The following DMBT1 variants were observed in gnomAD, a reference collection of about 807,000 sequenced individuals.
DMBT1 encodes scavenger receptor cysteine-rich domain-containing protein DMBT1.
A neutral mutation model predicts 252.9 loss-of-function variants in DMBT1; 198 were observed. That is an observed-to-expected ratio of 0.78 (90% CI 0.70 to 0.88). The LOEUF is 0.88. Among genes scored for constraint, DMBT1 ranks in the 40% least tolerant of loss-of-function variants. The probability of loss-of-function intolerance (pLI) is 0.00; values close to 1 mark genes in which losing one functional copy is unlikely to be tolerated. For synonymous variants in DMBT1, 990 were observed against 942.7 expected (o/e 1.05, Z -0.92); for missense variants, 2,432 against 2,404.7 (o/e 1.01, Z -0.24).
intron 2 of DMBT1, among the ~76,000 whole-genome samples, chr10:122,568,013 G>T (rs561886219): frequency 6.6e-6 from 1 of 152,216 alleles, no homozygotes; most frequent in Admixed American, 6.5e-5. Flanking sequence ...AATGAATGTG[G>T]ATGGACTAGA....
At position 122,618,134 on chromosome 10, in the gene DMBT1, A is replaced by G. The variant is rs878945810; in HGVS notation, c.5009A>G (p.Asn1670Ser). The G allele has an allele frequency of 6.2e-7, 1 of 1,613,958 alleles. No individual in the cohort carries two copies. The highest frequency in any genetic ancestry group is 1.1e-5 in the South Asian group (1 of 91,072). ...GTGTGTGATGACTACTGGGACACCA[A>G]TGATGCCAACGTGGTCTGCAGGCAG... ...GTVCDDYWDTNDANVVCRQLG... is the reference protein window; with the variant it reads ...GTVCDDYWDTSDANVVCRQLG... The change falls in exon 41 of 56, where the codon AAT becomes AGT. Residue 1670 changes from asparagine to serine, a missense_variant. Asn to Ser is a conservative substitution (Grantham distance 46). Transcript: ENST00000338354.
chr10:122,564,632 AT>A lies in DMBT1; in HGVS notation c.62-1323del, dbSNP rs34136647. 7.3e-3 allele frequency among the ~76,000 whole-genome samples: 1,089 copies of A among 149,306 alleles called. 15 individuals are homozygous for A. Among genetic ancestry groups the A allele is most frequent in the African/African-American group, 0.024 (998 of 40,824 alleles). ...AAGACAAAAGAATACCATCACATGT[AT>A]TTTTTTTTTTTAGCAAAATAAGATG... On this transcript the variant is annotated intron_variant, in intron 1 of 55. Transcript: ENST00000338354.
intron 2 of DMBT1, among the ~76,000 whole-genome samples, chr10:122,569,943 G>T (rs1489752173): frequency 6.6e-6 from 1 of 152,160 alleles, no homozygotes; most frequent in Non-Finnish European, 1.5e-5. Context: ...CAGAGGAGGT[G>T]TGGGGAGGGT....
intron 8 of DMBT1, 128 bp from the exon 9 acceptor site, chr10:122,578,590 G>A: frequency 1.3e-6 from 1 of 772,816 alleles, no homozygotes; most frequent in Non-Finnish European, 2.2e-6. Flanking sequence ...CAGACACATG[G>A]GGAGCAAGTG....
rs999183346 is a variant in DMBT1, at chr10:122,617,392, G to T, written c.4891+132G>T. The stretch of plus-strand genomic sequence containing the variant: ...CTGTGGGTTGGGTGGGAGGAAGGTG[G>T]AGTTTCTAGGGAGTCAGCCCTGGGT... On this transcript the variant is annotated intron_variant, in intron 40 of 55. Transcript: ENST00000338354. The T allele has an allele frequency of 2.1e-5, 24 of 1,149,044 alleles. 1 individual carries two copies. In the African/African-American group the frequency reaches 3.2e-4, roughly 15 times the overall value. The allele number at this position is 1,149,044 out of a possible 1,614,324, so 71.2% of individuals were successfully genotyped here. A position where few individuals can be genotyped will look rare whatever the true frequency, so the allele number is the denominator to read the frequency against.
At chr10:122,620,958 G>C (rs1010794887) in intron 43 of DMBT1, 99 bp from the exon 44 acceptor site, 3 of 1,569,342 alleles carry the variant, frequency 1.9e-6, no homozygotes, top group Non-Finnish European at 2.6e-6. Context: ...ACCTGCACAC[G>C]TGACTTTGGC....
intron 17 of DMBT1, 103 bp from the exon 18 acceptor site, chr10:122,590,562 A>G (rs2097841736): frequency 7.3e-6 from 10 of 1,362,656 alleles, no homozygotes; most frequent in Admixed American, 3.4e-5. Context: ...TGATGGGGAC[A>G]TAGGGTGGAC....
At chr10:122,585,940 C>A in intron 15 of DMBT1, 120 bp from the exon 16 acceptor site, 1 of 1,523,996 alleles carries the variant, frequency 6.6e-7, no homozygotes, top group Admixed American at 1.8e-5. Flanking sequence ...TATTCATATT[C>A]AAAGGTGACT....
chr10:122,635,543 A>G (rs2098219713), intron 52 of DMBT1, among the ~76,000 whole-genome samples: 1 of 151,940 alleles, frequency 6.6e-6, no homozygotes, highest in Non-Finnish European at 1.5e-5. Flanking sequence ...CTTTTGTTTC[A>G]ATTTTTATTT....
At chr10:122,624,312 T>C (rs1182731117) in intron 44 of DMBT1, among the ~76,000 whole-genome samples, 1 of 152,114 alleles carries the variant, frequency 6.6e-6, no homozygotes, top group African/African-American at 2.4e-5. Flanking sequence ...CATGCACAGC[T>C]CAGTCCACAC....
rs139780336 is a variant in DMBT1 at position 122,578,749 on chromosome 10, A to G, written c.669A>G (p.Val223=). The G allele has an allele frequency of 1.8e-4, 297 of 1,608,580 alleles. 3 individuals are homozygous for G. Among genetic ancestry groups the G allele is most frequent in the South Asian group, 1.5e-3 (138 of 89,532 alleles). Residue 223 remains valine (V), a synonymous_variant, in exon 9 of 56, where the codon GTA becomes GTG. Transcript: ENST00000338354. ...GGCCTGTCAGGATATCACCACCTGT[A>G]CCCACAGAAGGTAAAGAATCCTCTC... is the stretch of plus-strand genomic sequence containing the variant. ...ESWPVRISPP[V]PTEGSESSLA... is the part of the protein sequence containing the mutation.
intron 44 of DMBT1, 66 bp from the exon 45 acceptor site, chr10:122,625,211 C>A: frequency 1.3e-6 from 2 of 1,504,070 alleles, no homozygotes. Context: ...GACAGGCACT[C>A]AGCATTTCTC....
chr10:122,636,221 C>A (rs1272450913), intron 53 of DMBT1, 22 bp downstream of exon 53: 1 of 1,594,718 alleles, frequency 6.3e-7, no homozygotes, highest in Admixed American at 1.7e-5. Flanking sequence ...TGTGGAAATG[C>A]TCTGTTGGGA....
intron 2 of DMBT1, among the ~76,000 whole-genome samples, chr10:122,567,152 C>T (rs552609621): frequency 6.6e-6 from 1 of 152,322 alleles, no homozygotes; most frequent in East Asian, 1.9e-4. Flanking sequence ...TTGAGAGATC[C>T]AGAAATGGCC....
At chr10:122,592,640 G>T (rs773218843) in intron 20 of DMBT1, 45 bp downstream of exon 20, 1 of 1,585,232 alleles carries the variant, frequency 6.3e-7, no homozygotes, top group African/African-American at 1.3e-5. Flanking sequence ...ACTGGAGTTT[G>T]CTCAGGAAGA....
At chr10:122,585,054 A>G (rs563168490) in intron 14 of DMBT1, among the ~76,000 whole-genome samples, 1 of 148,580 alleles carries the variant, frequency 6.7e-6, no homozygotes, top group South Asian at 2.3e-4. Flanking sequence ...GACATCCCAC[A>G]CTTCAGAGGC....
chr10:122,643,302 G>A lies in DMBT1; in HGVS notation c.7533G>A (p.Ser2511=), dbSNP rs1844902957. 1 of 1,613,972 alleles carries A rather than the reference G, an allele frequency of 6.2e-7. No homozygotes were observed. Among genetic ancestry groups the A allele is most frequent in the Non-Finnish European group, 8.5e-7 (1 of 1,179,884 alleles). The stretch of plus-strand genomic sequence containing the variant: ...GCTACCGAGGCTGTGTGTTGAGGTC[G>A]AAGAGGGATGTGGGCTCCTACCAGG... ...SRCYRGCVLR[S]KRDVGSYQEK... is the part of the protein sequence containing the mutation. Residue 2511 remains serine, a synonymous_variant, in exon 56 of 56, where the codon TCG becomes TCA. Coordinates refer to ENST00000338354, the MANE Select transcript of DMBT1 (RefSeq NM_001377530.1).
At chr10:122,634,350 T>TTCTC (rs1555029816) in intron 52 of DMBT1, among the ~76,000 whole-genome samples, 1 of 90,866 alleles carries the variant, frequency 1.1e-5, no homozygotes, top group African/African-American at 4.7e-5. Flanking sequence ...TTTTCTTTCT[T>TTCTC]TCTTTCTTTC....
At position 122,600,093 on chromosome 10, in the gene DMBT1, G is replaced by C. The variant is rs1307656040; in HGVS notation, c.3310G>C (p.Asp1104His). 5 of 1,606,746 alleles carry C rather than the reference G, an allele frequency of 3.1e-6. No individual in the cohort carries two copies. Among genetic ancestry groups the C allele is most frequent in the Non-Finnish European group, 4.2e-6 (5 of 1,178,076 alleles). ...CCAGTCCCGGCCAACACCTAGTCCA[G>C]GTGGGTCCCCAGTGTCCTTCCTCAA... is the stretch of plus-strand genomic sequence containing the variant. ...ASQSRPTPSP[D>H]TWPTSHASTA... The change falls in exon 27 of 56, where the codon GAC (aspartate) becomes CAC (histidine). Residue 1104 changes from aspartate to histidine, a missense_variant and splice_region_variant. Asp to His is a moderately conservative substitution (Grantham distance 81, BLOSUM62 -1). This residue lies in a region of DMBT1 where 1,264 missense variants were observed against 1,082.2 expected (regional missense o/e 1.17). Coordinates refer to ENST00000338354, the MANE Select transcript of DMBT1 (RefSeq NM_001377530.1).
Sources: allele counts gnomAD v4.1 joint callset (sites outside exome capture counted in the v4.1 genomes callset), GRCh38; gene constraint gnomAD v4.1.1; regional missense constraint gnomAD v4.1.1; transcripts MANE v1.5; gene names NCBI Gene and HGNC (gene_info 2026-07-23, HGNC 2026-07-21).